NMNAT2: variants seen among roughly 807,000 people sequenced by gnomAD.
NMNAT2 encodes nicotinamide nucleotide adenylyltransferase 2, also known as nicotinamide/nicotinic acid mononucleotide adenylyltransferase 2.
A neutral mutation model predicts 41.6 loss-of-function variants in NMNAT2; 11 were observed. That is an observed-to-expected ratio of 0.26 (90% CI 0.17 to 0.44). NMNAT2 has a LOEUF of 0.44. Ranked by LOEUF, NMNAT2 falls within the 20% of genes least tolerant of loss-of-function variation. The probability of loss-of-function intolerance (pLI) is 1.00; values close to 1 mark genes in which losing one functional copy is unlikely to be tolerated. For synonymous variants in NMNAT2, 148 were observed against 151.2 expected, an observed-to-expected ratio of 0.98 and a Z score of 0.16; for missense variants, 288 against 407.7, an observed-to-expected ratio of 0.71 and a Z score of 2.53.
intron 1 of NMNAT2, among the ~76,000 whole-genome samples, chr1:183,310,650 G>A (rs1413926485): frequency 6.6e-6 from 1 of 152,188 alleles, no homozygotes; most frequent in Non-Finnish European, 1.5e-5. Flanking sequence ...CTGTCATTTA[G>A]TTGGCAGAAG....
chr1:183,254,049 G>A (rs1008109554), intron 10 of NMNAT2, among the ~76,000 whole-genome samples: 6 of 152,024 alleles, frequency 3.9e-5, no homozygotes, highest in Admixed American at 3.9e-4. Context: ...AATGAACTTG[G>A]AAATGCAGAT....
chr1:183,405,956 C>T (rs773271113), intron 1 of NMNAT2, among the ~76,000 whole-genome samples: 7 of 152,150 alleles, frequency 4.6e-5, no homozygotes, highest in Non-Finnish European at 1.0e-4. Flanking sequence ...TGACAATACA[C>T]CAGTTAGATT....
chr1:183,389,800 GAAAGAAAGAAAGAAAGAAAGAAAGAA>G (rs1557897613), intron 1 of NMNAT2, among the ~76,000 whole-genome samples: 4 of 63,088 alleles, frequency 6.3e-5, no homozygotes, highest in African/African-American at 2.1e-4. Context: ...AAGAAAGAAA[GAAAGAAAGAAAGAAAGAAAGAAAGAA>G]AGAAAGAAAG....
At chr1:183,290,425 T>C (rs1385105632) in intron 3 of NMNAT2, among the ~76,000 whole-genome samples, 1 of 152,178 alleles carries the variant, frequency 6.6e-6, no homozygotes, top group Non-Finnish European at 1.5e-5. Flanking sequence ...TGAGAAGAGA[T>C]GCTGGTGCCA....
intron 1 of NMNAT2, among the ~76,000 whole-genome samples, chr1:183,328,904 G>A (rs1421840906): frequency 6.6e-6 from 1 of 152,226 alleles, no homozygotes; most frequent in Non-Finnish European, 1.5e-5. Context: ...GAGAGACAGA[G>A]AAACATGGAG....
chr1:183,347,920 A>G (rs572882861), intron 1 of NMNAT2, among the ~76,000 whole-genome samples: 2 of 152,230 alleles, frequency 1.3e-5, no homozygotes, highest in South Asian at 4.2e-4. Flanking sequence ...AGTTCCCTTC[A>G]ATGACTACTT....
intron 7 of NMNAT2, among the ~76,000 whole-genome samples, chr1:183,279,568 C>T (rs913074057): frequency 2.0e-5 from 3 of 152,154 alleles, no homozygotes; most frequent in African/African-American, 4.8e-5. Context: ...GAGGCCCAGG[C>T]GAGAGACAGA....
chr1:183,370,226 A>ACACC (rs1298382167), intron 1 of NMNAT2, among the ~76,000 whole-genome samples: 1 of 57,322 alleles, frequency 1.7e-5, no homozygotes, highest in Non-Finnish European at 3.3e-5. Flanking sequence ...CAACACATAC[A>ACACC]CACACACACA....
chr1:183,270,543 A>G (rs564263), intron 8 of NMNAT2, among the ~76,000 whole-genome samples: 109,821 of 151,142 alleles, frequency 0.73, 41,185 homozygotes, highest in Middle Eastern at 0.86. Context: ...AAAAAAAAAA[A>G]AGAGAGAGAA....
At chr1:183,332,252 A>C (rs994741239) in intron 1 of NMNAT2, among the ~76,000 whole-genome samples, 5 of 151,986 alleles carry the variant, frequency 3.3e-5, no homozygotes, top group African/African-American at 1.2e-4. Context: ...AATTTTCTAG[A>C]CTCAGCAGGG....
At chr1:183,408,429 T>A (rs1649021522) in intron 1 of NMNAT2, among the ~76,000 whole-genome samples, 1 of 152,158 alleles carries the variant, frequency 6.6e-6, no homozygotes, top group African/African-American at 2.4e-5. Flanking sequence ...TTTTCAACCA[T>A]TTAAAAATGT....
chr1:183,391,531 TA>T (rs35180180), intron 1 of NMNAT2, among the ~76,000 whole-genome samples: 5 of 151,406 alleles, frequency 3.3e-5, no homozygotes, highest in Admixed American at 1.3e-4. Flanking sequence ...TCTCTCATCT[TA>T]AAAAAAAATA....
At chr1:183,284,295 A>G (rs1398390076) in intron 6 of NMNAT2, among the ~76,000 whole-genome samples, 2 of 152,244 alleles carry the variant, frequency 1.3e-5, no homozygotes, top group African/African-American at 4.8e-5. Flanking sequence ...TGGGGAGCCA[A>G]TGCCGAACAC....
chr1:183,336,280 C>T (rs900703324), intron 1 of NMNAT2, among the ~76,000 whole-genome samples: 1 of 152,128 alleles, frequency 6.6e-6, no homozygotes, highest in Admixed American at 6.6e-5. Flanking sequence ...GGACATTTCA[C>T]AAAAGAAGAT....
At position 183,412,117 on chromosome 1, in the gene NMNAT2, C is replaced by T. The variant is rs138751901; in HGVS notation, c.85+6066G>A. Among the ~76,000 whole-genome samples, 335 of 152,354 alleles carry T rather than the reference C, an allele frequency of 2.2e-3. 1 individual carries two copies. Among genetic ancestry groups the T allele is most frequent in the Middle Eastern group, 0.014 (4 of 294 alleles). On this transcript the variant is annotated intron_variant, in intron 1 of 10. Transcript: ENST00000287713. ...GGAGGCCTGTAGGCCATGATGATGA[C>T]TTTGACTTTGATTGACAGAGATACG...
At chr1:183,260,122 T>A (rs1558107823) in intron 10 of NMNAT2, among the ~76,000 whole-genome samples, 1 of 152,142 alleles carries the variant, frequency 6.6e-6, no homozygotes, top group African/African-American at 2.4e-5. Context: ...AGCTACAAAG[T>A]CTATTTCCCA....
chr1:183,369,691 G>A (rs2811559), intron 1 of NMNAT2, among the ~76,000 whole-genome samples: 84,722 of 151,744 alleles, frequency 0.56, 23,978 homozygotes, highest in East Asian at 0.68. Context: ...AGCAGCCGTC[G>A]CTGTCATCCA....
intron 1 of NMNAT2, among the ~76,000 whole-genome samples, chr1:183,341,485 C>T (rs1453253823): frequency 1.4e-5 from 2 of 141,124 alleles, no homozygotes; most frequent in African/African-American, 5.4e-5. Flanking sequence ...TGAGACCAGC[C>T]TGGGAAACAT....
At position 183,418,262 on chromosome 1, in the gene NMNAT2, G is replaced by T. The variant is rs763844654; in HGVS notation, c.6C>A (p.Thr2=). ...AGATAACGTGGGTCTTGGTGGTCTC[G>T]GTCATGGTGCAGATGGGTCCTTCGC... M[T]ETTKTHVILL... is the part of the protein sequence containing the mutation. Residue 2 remains threonine (T), a synonymous_variant, in exon 1 of 11, where the codon ACC becomes ACA. Coordinates refer to ENST00000287713, the MANE Select transcript of NMNAT2 (RefSeq NM_015039.4). 3.1e-6 allele frequency: 5 copies of T among 1,614,042 alleles called. No individual in the cohort carries two copies. The Middle Eastern group carries it at 6.6e-4, about 213-fold the overall frequency.
Sources: allele counts gnomAD v4.1 joint callset (sites outside exome capture counted in the v4.1 genomes callset), GRCh38; gene constraint gnomAD v4.1.1; transcripts MANE v1.5; gene names NCBI Gene and HGNC (gene_info 2026-07-23, HGNC 2026-07-21).